Variants in SEC16B observed in about 807,000 individuals in gnomAD.
The protein encoded by SEC16B is protein transport protein Sec16B.
SEC16B carries 115 observed loss-of-function variants against 141.8 expected under a neutral mutation model. The ratio of observed to expected loss-of-function variants is 0.81; its 90% CI spans 0.70 to 0.95. The LOEUF (loss-of-function observed/expected upper bound fraction) is 0.95. Among genes scored for constraint, SEC16B ranks in the 40% least tolerant of loss-of-function variants. SEC16B has a pLI of 0.00. For synonymous variants in SEC16B, 493 were observed against 492.5 expected, an observed-to-expected ratio of 1.00 and a Z score of -0.01; for missense variants, 1,291 against 1,312.3, an observed-to-expected ratio of 0.98 and a Z score of 0.25.
At chr1:177,937,188 T>TGGCC (rs1419512642) in intron 19 of SEC16B, 26 bp downstream of exon 19, 1 of 1,578,268 alleles carries the variant, frequency 6.3e-7, no homozygotes, top group Non-Finnish European at 8.6e-7. Flanking sequence ...ACATTCAATG[T>TGGCC]GGCCACCCTA....
chr1:177,932,755 T>A lies in SEC16B; in HGVS notation c.2875A>T (p.Thr959Ser), dbSNP rs1209509587. 6 of 1,611,970 alleles carry A rather than the reference T, an allele frequency of 3.7e-6. No individual in the cohort carries two copies. The highest frequency in any genetic ancestry group is 1.7e-5 in the Admixed American group (1 of 59,758). The change falls in exon 23 of 26, where the codon ACA becomes TCA. Residue 959 changes from threonine to serine, a missense_variant. This residue lies in a region of SEC16B where 605 missense variants were observed against 614.1 expected (regional missense o/e 0.99). Coordinates refer to ENST00000308284, the MANE Select transcript of SEC16B (RefSeq NM_033127.4). ...PHQAGLGLSL[T>S]PSPESPPLPD... Reference sequence around the variant, plus strand: ...AGAGGTGGGGACTCAGGGGAAGGTGTCAGTGAGAGGCCCAGGCCAGCCTGG... The same window carrying A: ...AGAGGTGGGGACTCAGGGGAAGGTGACAGTGAGAGGCCCAGGCCAGCCTGG...
chr1:177,929,972 C>G, intron 25 of SEC16B, 43 bp from the exon 26 acceptor site: 1 of 1,598,246 alleles, frequency 6.3e-7, no homozygotes, highest in Non-Finnish European at 8.6e-7. Flanking sequence ...CAGCCCCAAA[C>G]ATGACTCTGC....
Position 177,937,200 on chromosome 1 carries a change from C to T in SEC16B, c.2503+14G>A, listed in dbSNP as rs766529062. On this transcript the variant is annotated intron_variant, in intron 19 of 25. Coordinates refer to ENST00000308284, the MANE Select transcript of SEC16B (RefSeq NM_033127.4). The stretch of plus-strand genomic sequence containing the variant: ...CCTACATTCAATGTGGCCACCCTAG[C>T]GGCCAGGTCTTACCAGGGCCCAGGT... 25 of 1,592,656 alleles carry T rather than the reference C, an allele frequency of 1.6e-5. No homozygotes were observed. Among genetic ancestry groups the T allele is most frequent in the Admixed American group, 1.0e-4 (6 of 58,060 alleles).
intron 8 of SEC16B, 27 bp from the exon 9 acceptor site, chr1:177,959,002 A>G (rs752532528): frequency 3.1e-6 from 5 of 1,603,856 alleles, no homozygotes; most frequent in Non-Finnish European, 4.3e-6. Context: ...TAGGGAGCAA[A>G]GAGTGAGCAG....
In SEC16B at chr1:177,954,522, G is replaced by A. The variant is rs6667990; in HGVS notation, c.1366-146C>T. On this transcript the variant is annotated intron_variant, in intron 10 of 25. Coordinates refer to ENST00000308284, the MANE Select transcript of SEC16B (RefSeq NM_033127.4). Reference sequence around the variant, plus strand: ...CTCATATAAGAATGTGAACAGCCAGGAAGCAGACTGTAGCTAGCACAGTAT... The same window carrying A: ...CTCATATAAGAATGTGAACAGCCAGAAAGCAGACTGTAGCTAGCACAGTAT... The A allele has an allele frequency of 2.8e-3, 1,733 of 621,720 alleles. 24 individuals are homozygous for A. The African/African-American group carries it at 0.028, about 10-fold the overall frequency. The allele number at this position is 621,720 out of a possible 1,614,324, so 38.5% of individuals were successfully genotyped here. A position where few individuals can be genotyped will look rare whatever the true frequency, so the allele number is the denominator to read the frequency against.
chr1:177,960,444 C>A (rs1216475560), intron 7 of SEC16B, 41 bp from the exon 8 acceptor site: 19 of 1,370,926 alleles, frequency 1.4e-5, no homozygotes, highest in Non-Finnish European at 1.7e-5. Context: ...AGACTGTGGC[C>A]ACCCTAGGCC....
chr1:177,957,999 T>C, intron 10 of SEC16B, 133 bp downstream of exon 10: 1 of 496,976 alleles, frequency 2.0e-6, no homozygotes, highest in Non-Finnish European at 3.2e-6. Flanking sequence ...ATTTTCTTTG[T>C]TCTGTCTTTC....
chr1:177,939,268 G>T (rs1301327256), intron 18 of SEC16B, among the ~76,000 whole-genome samples: 1 of 152,158 alleles, frequency 6.6e-6, no homozygotes, highest in Non-Finnish European at 1.5e-5. Flanking sequence ...TGAAAACATT[G>T]AAACATACTT....
upstream of SEC16B, chr1:177,970,338 C>A (rs1024430139): frequency 6.6e-6 from 1 of 152,224 alleles, no homozygotes; most frequent in Non-Finnish European, 1.5e-5. Flanking sequence ...GGTTCTGTTA[C>A]TTAACCTCTC....
chr1:177,963,361 T>A (rs1653235404), intron 5 of SEC16B, among the ~76,000 whole-genome samples: 1 of 151,464 alleles, frequency 6.6e-6, no homozygotes, highest in Non-Finnish European at 1.5e-5. Flanking sequence ...TCCCAGCACT[T>A]TGGGAGGCCG....
chr1:177,965,886 T>C lies in SEC16B; in HGVS notation c.412+7A>G. The C allele has an allele frequency of 1.3e-6, 2 of 1,550,776 alleles. No individual in the cohort carries two copies. Among genetic ancestry groups the C allele is most frequent in the Non-Finnish European group, 1.8e-6 (2 of 1,137,436 alleles). ...ATCCCAGAGGCTTCTTGGAGACTTT[T>C]CCATACCTCTTTCTTCCTGCAGCCA... On this transcript the variant is annotated splice_region_variant and intron_variant, in intron 3 of 25. Coordinates refer to ENST00000308284, the MANE Select transcript of SEC16B (RefSeq NM_033127.4).
chr1:177,929,051 G>A lies in SEC16B; in HGVS notation c.*807C>T, dbSNP rs909220142. 1.3e-5 allele frequency: 2 copies of A among 152,572 alleles called. No homozygotes were observed. The highest frequency in any genetic ancestry group is 2.1e-4 in the South Asian group (1 of 4,832). 9.5% of individuals were successfully genotyped at this position (152,572 alleles called of 1,614,324 possible). A position where few individuals can be genotyped will look rare whatever the true frequency, so the allele number is the denominator to read the frequency against. On this transcript the variant is annotated 3_prime_UTR_variant, in exon 26 of 26. Transcript: ENST00000308284. ...TGCAAAGGCCTGAGGTAGAAAGGGA[G>A]GTATTAACAATATCAGGCACTCATT...
Position 177,958,227 on chromosome 1 carries a change from G to A in SEC16B, c.1270C>T (p.Pro424Ser), listed in dbSNP as rs1306498648. Reference sequence around the variant, plus strand: ...GGGATCTCTCCCGTGAGCAGGTTCGGGGTCCCAGAGCTCAGCACTGGCCAG... The same window carrying A: ...GGGATCTCTCCCGTGAGCAGGTTCGAGGTCCCAGAGCTCAGCACTGGCCAG... Reference protein sequence around the residue: ...EDWPVLSSGTPNLLTGEIPPS... With the variant: ...EDWPVLSSGTSNLLTGEIPPS... Residue 424 changes from proline to serine, a missense_variant, in exon 10 of 26, where the codon CCG (proline) becomes TCG (serine). By Grantham distance (74) the Pro-to-Ser change is moderately conservative. Coordinates refer to ENST00000308284, the MANE Select transcript of SEC16B (RefSeq NM_033127.4). 3 of 1,604,618 alleles carry A rather than the reference G, an allele frequency of 1.9e-6. No homozygotes were observed. The highest frequency in any genetic ancestry group is 2.2e-5 in the East Asian group (1 of 44,460).
chr1:177,941,745 G>C (rs893229264), intron 16 of SEC16B, among the ~76,000 whole-genome samples, 155 bp downstream of exon 16: 1 of 152,134 alleles, frequency 6.6e-6, no homozygotes, highest in Admixed American at 6.5e-5. Context: ...TCTGCTTATC[G>C]CATCTGGGCA....
intron 5 of SEC16B, 32 bp downstream of exon 5, chr1:177,964,139 C>A (rs1202708752): frequency 6.6e-7 from 1 of 1,504,670 alleles, no homozygotes; most frequent in Non-Finnish European, 9.1e-7. Context: ...CACATGGCCA[C>A]AGTCTCCAGC....
chr1:177,970,411 C>T (rs1198336957), upstream of SEC16B, among the ~76,000 whole-genome samples: 13 of 152,132 alleles, frequency 8.5e-5, no homozygotes, highest in Non-Finnish European at 1.2e-4. Context: ...AGGGTCATTA[C>T]GGGGCTGAAA....
At chr1:177,968,528 T>C (rs926273058) in intron 1 of SEC16B, among the ~76,000 whole-genome samples, 1 of 152,198 alleles carries the variant, frequency 6.6e-6, no homozygotes, top group Non-Finnish European at 1.5e-5. Flanking sequence ...AAATGGAGAC[T>C]GTAAGGACTA....
intron 1 of SEC16B, among the ~76,000 whole-genome samples, chr1:177,979,570 C>CA (rs1278770107): frequency 6.6e-6 from 1 of 152,122 alleles, no homozygotes; most frequent in Non-Finnish European, 1.5e-5. Context: ...CTTATGATGC[C>CA]AAAAAACCAA....
In SEC16B at chr1:177,933,262, G is replaced by T; in HGVS notation, c.2775C>A (p.Asn925Lys). 6.3e-7 allele frequency: 1 copy of T among 1,599,270 alleles called. No individual in the cohort carries two copies. The highest frequency in any genetic ancestry group is 1.1e-5 in the South Asian group (1 of 88,154). ...AGTCCTCGTCTCCAGCGGGGGATGC[G>T]TTCTTGGTGGGCTTCGATCGAAACC... ...FSWFRSKPTK[N>K]ASPAGDEDSS... is the part of the protein sequence containing the mutation. Residue 925 changes from asparagine (N) to lysine (K), a missense_variant, in exon 22 of 26, where the codon AAC (asparagine) becomes AAA (lysine). Physicochemically the swap from Asn to Lys is moderately conservative, Grantham distance 94 (BLOSUM62 0). Coordinates refer to ENST00000308284, the MANE Select transcript of SEC16B (RefSeq NM_033127.4).
Sources: gnomAD v4.1 joint callset for allele counts (sites outside exome capture counted in the v4.1 genomes callset) on GRCh38, gnomAD v4.1.1 for gene constraint, gnomAD v4.1.1 regional missense constraint, MANE v1.5 for transcripts, NCBI Gene and HGNC (gene_info 2026-07-23, HGNC 2026-07-21) for gene names.